LETM1: variants seen among roughly 807,000 people sequenced by gnomAD.
LETM1 encodes mitochondrial proton/calcium exchanger protein.
In LETM1, 50 loss-of-function variants were observed where a neutral mutation model predicts 74.5. The observed-to-expected ratio is 0.67, with a 90% CI of 0.53 to 0.85. LETM1 has a LOEUF of 0.85. Among genes scored for constraint, LETM1 ranks in the 40% least tolerant of loss-of-function variants. The pLI, the probability that LETM1 is intolerant of heterozygous loss-of-function variation, is 0.00. For synonymous variants in LETM1, 446 were observed against 407.1 expected, an observed-to-expected ratio of 1.10 and a Z score of -1.15; for missense variants, 824 against 967.8, an observed-to-expected ratio of 0.85 and a Z score of 1.97.
intron 9 of LETM1, chr4:1,822,540 C>T: frequency 2.6e-6 from 1 of 391,326 alleles, no homozygotes; most frequent in East Asian, 3.9e-5. Flanking sequence ...CTCTGGTCTC[C>T]CCAAGACTCC....
At chr4:1,821,123 A>ATTT (rs572170622) in intron 10 of LETM1, among the ~76,000 whole-genome samples, 4 of 141,022 alleles carry the variant, frequency 2.8e-5, no homozygotes, top group Non-Finnish European at 4.7e-5. Context: ...AAAAAGTGAA[A>ATTT]TTTTTTTTTT....
rs917788529 is a variant in LETM1 at position 1,812,614 on chromosome 4, CAAG to C, written c.*1807_*1809del. On this transcript the variant is annotated 3_prime_UTR_variant, in exon 14 of 14. Coordinates refer to ENST00000302787, the MANE Select transcript of LETM1 (RefSeq NM_012318.3). ...TGCACCCAGACACCACTTTTAGGTG[CAAG>C]AAGAAAGGTCAGGACATAGAGAAAA... is the stretch of plus-strand genomic sequence containing the variant. 17 of 152,180 alleles carry C rather than the reference CAAG, an allele frequency of 1.1e-4. No homozygotes were observed. The highest frequency in any genetic ancestry group is 3.6e-4 in the African/African-American group (15 of 41,364). 9.4% of individuals were successfully genotyped at this position (152,180 alleles called of 1,614,324 possible). A position where few individuals can be genotyped will look rare whatever the true frequency, so the allele number is the denominator to read the frequency against.
chr4:1,828,073 G>A (rs868533915), intron 6 of LETM1, among the ~76,000 whole-genome samples: 2,434 of 137,012 alleles, frequency 0.018, 38 homozygotes, highest in African/African-American at 0.025. Context: ...CCTCCCGGAC[G>A]GGGCGGCTGG....
At chr4:1,854,580 G>T (rs1713175859) in intron 1 of LETM1, among the ~76,000 whole-genome samples, 1 of 152,176 alleles carries the variant, frequency 6.6e-6, no homozygotes, top group South Asian at 2.1e-4. Context: ...GATCACCTGA[G>T]GTCAGGAGTT....
At chr4:1,841,920 C>G in intron 2 of LETM1, 123 bp from the exon 3 acceptor site, 1 of 728,482 alleles carries the variant, frequency 1.4e-6, no homozygotes, top group East Asian at 2.7e-5. Flanking sequence ...CAACCACACA[C>G]AATCCCACCT....
intron 3 of LETM1, among the ~76,000 whole-genome samples, chr4:1,840,709 TAAA>T (rs57462521): frequency 9.1e-5 from 13 of 143,118 alleles, no homozygotes; most frequent in East Asian, 2.1e-4. Context: ...ATAATAATAA[TAAA>T]AAAAAAACGA....
rs1381115289 is a variant in LETM1, at chr4:1,815,600, C to T, written c.2070+64G>A. 3.1e-6 allele frequency: 5 copies of T among 1,587,770 alleles called. No homozygotes were observed. In the African/African-American group the frequency reaches 6.7e-5, roughly 21 times the overall value. On this transcript the variant is annotated intron_variant, in intron 13 of 13. Transcript: ENST00000302787. ...GGTGCCGGACATGCAATGAACAGTC[C>T]CCCTGCCCCACCCCACTCCAGAGCA...
At position 1,834,997 on chromosome 4, in the gene LETM1, A is replaced by T. The variant is rs1202507688; in HGVS notation, c.739-15T>A. On this transcript the variant is annotated splice_polypyrimidine_tract_variant and intron_variant, in intron 4 of 13. Coordinates refer to ENST00000302787, the MANE Select transcript of LETM1 (RefSeq NM_012318.3). The surrounding 1 kb of genome is among the most constrained non-coding windows in gnomAD (Gnocchi z 5.0). ...AGCCTCTCCTCCTGCAAGGGCAGAG[A>T]GGGCACTGCATTCCAACTGCTCAGA... 1.2e-6 allele frequency: 2 copies of T among 1,612,518 alleles called. No individual in the cohort carries two copies. The highest frequency in any genetic ancestry group is 2.2e-5 in the South Asian group (2 of 91,050).
Position 1,821,261 on chromosome 4 carries a change from T to C in LETM1, c.1608+920A>G, listed in dbSNP as rs535155351. Reference sequence around the variant, plus strand: ...GTGCATGCCACCATGTCTGGCTAATTTTTTGTATTTTTAGTAGAAATGGGG... The same window carrying C: ...GTGCATGCCACCATGTCTGGCTAATCTTTTGTATTTTTAGTAGAAATGGGG... On this transcript the variant is annotated intron_variant, in intron 10 of 13. Coordinates refer to ENST00000302787, the MANE Select transcript of LETM1 (RefSeq NM_012318.3). Among the ~76,000 whole-genome samples the C allele has an allele frequency of 6.3e-3, 952 of 152,030 alleles. 14 individuals carry two copies. The highest frequency in any genetic ancestry group is 0.022 in the African/African-American group (919 of 41,542).
In LETM1 at chr4:1,816,909, C is replaced by T. The variant is rs1447396502; in HGVS notation, c.1749G>A (p.Leu583=). The change falls in exon 12 of 14, where the codon TTG becomes TTA. Residue 583 remains leucine (L), a synonymous_variant. Coordinates refer to ENST00000302787, the MANE Select transcript of LETM1 (RefSeq NM_012318.3). ...TTGAAAGTTCCTTCTTGATCTCCTG[C>T]AAGTCCTAATAAAATTATTTTGGTT... is the stretch of plus-strand genomic sequence containing the variant. ...KEDVQDYSED[L]QEIKKELSKT... is the part of the protein sequence containing the mutation. 6.2e-7 allele frequency: 1 copy of T among 1,609,288 alleles called. No homozygotes were observed. Among genetic ancestry groups the T allele is most frequent in the Non-Finnish European group, 8.5e-7 (1 of 1,177,012 alleles).
At position 1,816,900 on chromosome 4, in the gene LETM1, G is replaced by C; in HGVS notation, c.1758C>G (p.Ile586Met). The C allele has an allele frequency of 6.2e-7, 1 of 1,613,026 alleles. No individual in the cohort carries two copies. Among genetic ancestry groups the C allele is most frequent in the Non-Finnish European group, 8.5e-7 (1 of 1,179,204 alleles). ...VQDYSEDLQEIKKELSKTGEE... is the reference protein window; with the variant it reads ...VQDYSEDLQEMKKELSKTGEE... ...CACCAGTCTTTGAAAGTTCCTTCTTGATCTCCTGCAAGTCCTAATAAAATT... is the reference window on the plus strand; with the variant it reads ...CACCAGTCTTTGAAAGTTCCTTCTTCATCTCCTGCAAGTCCTAATAAAATT... The change falls in exon 12 of 14, where the codon ATC (isoleucine) becomes ATG (methionine). Residue 586 changes from isoleucine (I) to methionine (M), a missense_variant. This residue lies in a region of LETM1 where 161 missense variants were observed against 252.7 expected (regional missense o/e 0.64). Coordinates refer to ENST00000302787, the MANE Select transcript of LETM1 (RefSeq NM_012318.3).
At position 1,823,548 on chromosome 4, in the gene LETM1, T is replaced by C; in HGVS notation, c.1332+96A>G. The C allele has an allele frequency of 5.4e-6, 8 of 1,491,020 alleles. No individual in the cohort carries two copies. In the South Asian group the frequency reaches 5.7e-5, roughly 11 times the overall value. The allele number at this position is 1,491,020 out of a possible 1,614,324, so 92.4% of individuals were successfully genotyped here. ...TGGGAGGCAGGCTCCTCGCCCATGG[T>C]TGAGGAATGAGTGCGCTTGCACACC... On this transcript the variant is annotated intron_variant, in intron 8 of 13. Transcript: ENST00000302787.
intron 6 of LETM1, among the ~76,000 whole-genome samples, chr4:1,828,219 G>T (rs1461997532): frequency 7.5e-6 from 1 of 132,802 alleles, no homozygotes; most frequent in African/African-American, 2.8e-5. Context: ...TGGCCGGGCG[G>T]GGGGGGCTGA....
intron 6 of LETM1, among the ~76,000 whole-genome samples, chr4:1,826,849 G>C (rs1463424360): frequency 6.6e-6 from 1 of 152,230 alleles, no homozygotes. Flanking sequence ...TTTCAGTGTT[G>C]CTCTGGGGAT....
intron 11 of LETM1, among the ~76,000 whole-genome samples, chr4:1,817,788 T>C (rs1711626019): frequency 6.6e-6 from 1 of 152,166 alleles, no homozygotes; most frequent in Non-Finnish European, 1.5e-5. Flanking sequence ...TCTTTGTTTT[T>C]TGAGATAGGG....
chr4:1,853,965 A>G (rs908076184), intron 1 of LETM1, among the ~76,000 whole-genome samples: 1 of 152,240 alleles, frequency 6.6e-6, no homozygotes, highest in Non-Finnish European at 1.5e-5. Flanking sequence ...AATCGCACAT[A>G]AAAAGCTAAT....
At chr4:1,850,643 AG>A (rs1285114709) in intron 1 of LETM1, among the ~76,000 whole-genome samples, 5 of 124,230 alleles carry the variant, frequency 4.0e-5, no homozygotes, top group African/African-American at 1.9e-4. Flanking sequence ...ACTCTGTCTC[AG>A]AAAAAAAAAA....
chr4:1,818,184 G>T (rs1711637868), intron 11 of LETM1, among the ~76,000 whole-genome samples: 1 of 152,204 alleles, frequency 6.6e-6, no homozygotes, highest in Non-Finnish European at 1.5e-5. Flanking sequence ...AGGCTGAGCT[G>T]GTGATAAGCA....
intron 7 of LETM1, among the ~76,000 whole-genome samples, chr4:1,824,461 A>G (rs1424048779): frequency 6.6e-6 from 1 of 152,154 alleles, no homozygotes; most frequent in African/African-American, 2.4e-5. Context: ...CACCAAGACA[A>G]TCTCCAAATG....
Sources: gnomAD v4.1 joint callset for allele counts (sites outside exome capture counted in the v4.1 genomes callset) on GRCh38, gnomAD v4.1.1 for gene constraint, gnomAD v4.1.1 regional missense constraint, Gnocchi (gnomAD v3.1) non-coding constraint, MANE v1.5 for transcripts, NCBI Gene and HGNC (gene_info 2026-07-23, HGNC 2026-07-21) for gene names.